The following GSTA2 variants were observed in gnomAD, a reference collection of about 807,000 sequenced individuals.
The protein encoded by GSTA2 is glutathione S-transferase A2.
A neutral mutation model predicts 22.4 loss-of-function variants in GSTA2; 27 were observed. The ratio of observed to expected loss-of-function variants is 1.21; its 90% confidence interval spans 0.89 to 1.67. GSTA2 has a LOEUF of 1.67. GSTA2 is among the 40% of genes most tolerant of loss of function. The pLI is 0.00. For missense variants in GSTA2, 302 were observed against 260.2 expected, an observed-to-expected ratio of 1.16 and a Z score of -1.11; for synonymous variants, 121 against 86.8, an observed-to-expected ratio of 1.39 and a Z score of -2.19.
At position 52,752,870 on chromosome 6, in the gene GSTA2, A is replaced by G; in HGVS notation, c.398T>C (p.Phe133Ser). 1 of 1,613,946 alleles carries G rather than the reference A, an allele frequency of 6.2e-7. No individual in the cohort carries two copies. Among genetic ancestry groups the G allele is most frequent in the Non-Finnish European group, 8.5e-7 (1 of 1,179,896 alleles). The change falls in exon 5 of 7, where the codon TTC (phenylalanine) becomes TCC (serine). Residue 133 changes from phenylalanine to serine, a missense_variant. By Grantham distance (155) the Phe-to-Ser change is radical. Transcript: ENST00000493422. The stretch of plus-strand genomic sequence containing the variant: ...TTCACTTACTTTTTCAAAGGCAGGG[A>G]AGTAGCGATTTTTTGTTTTCTCTTG... ...LIQEKTKNRYFPAFEKVLKSH... is the reference protein window; with the variant it reads ...LIQEKTKNRYSPAFEKVLKSH...
At chr6:52,756,230 A>C in intron 3 of GSTA2, 28 bp downstream of exon 3, 1 of 1,554,070 alleles carries the variant, frequency 6.4e-7, no homozygotes, top group Non-Finnish European at 8.9e-7. Context: ...AGATACCCTC[A>C]TTAGAGAAAC....
intron 1 of GSTA2, among the ~76,000 whole-genome samples, chr6:52,762,718 CTG>C (rs1448768448): frequency 6.6e-6 from 1 of 152,224 alleles, no homozygotes; most frequent in African/African-American, 2.4e-5. Context: ...TACTTTGTCT[CTG>C]TGTCTCTTTC....
chr6:52,762,504 C>G (rs1218655236), intron 1 of GSTA2, among the ~76,000 whole-genome samples: 2 of 152,178 alleles, frequency 1.3e-5, no homozygotes, highest in South Asian at 2.1e-4. Flanking sequence ...ATTTTCTAAC[C>G]TTGTTTATGA....
chr6:52,750,621 C>A lies in GSTA2; in HGVS notation c.625G>T (p.Asp209Tyr). Residue 209 changes from aspartate to tyrosine, a missense_variant, in exon 7 of 7, where the codon GAT (aspartate) becomes TAT (tyrosine). Asp to Tyr is a radical substitution (Grantham distance 160, BLOSUM62 -3). Transcript: ENST00000493422. ...CTTGATTCTTCTAAAGATTTCTCAT[C>A]CATGGGAGGCTTCCTTGGGCTGCCA... ...QPGSPRKPPMDEKSLEESRKI... is the reference protein window; with the variant it reads ...QPGSPRKPPMYEKSLEESRKI... 1 of 1,613,820 alleles carries A rather than the reference C, an allele frequency of 6.2e-7. No individual in the cohort carries two copies.
At chr6:52,756,441 G>C in intron 2 of GSTA2, 132 bp from the exon 3 acceptor site, 2 of 667,836 alleles carry the variant, frequency 3.0e-6, no homozygotes, top group Non-Finnish European at 5.2e-6. Context: ...CACAGAGGGG[G>C]CTAGTCATGG....
intron 6 of GSTA2, among the ~76,000 whole-genome samples, chr6:52,751,184 A>G (rs966627517): frequency 4.6e-5 from 7 of 152,186 alleles, no homozygotes; most frequent in African/African-American, 1.7e-4. Context: ...GTCTGACAGC[A>G]GGAGCCGGAG....
intron 4 of GSTA2, among the ~76,000 whole-genome samples, chr6:52,754,262 T>A (rs1316282237): frequency 6.6e-6 from 1 of 152,216 alleles, no homozygotes; most frequent in African/African-American, 2.4e-5. Context: ...TGCTGGGTCA[T>A]CGGTAATACC....
Position 52,757,863 on chromosome 6 carries a change from C to T in GSTA2, c.85G>A (p.Glu29Lys). 1.2e-6 allele frequency: 2 copies of T among 1,612,686 alleles called. No homozygotes were observed. Among genetic ancestry groups the T allele is most frequent in the Non-Finnish European group, 8.5e-7 (1 of 1,178,752 alleles). Residue 29 changes from glutamate to lysine, a missense_variant and splice_region_variant, in exon 2 of 7, where the codon GAG becomes AAG. Transcript: ENST00000493422. Reference sequence around the variant, plus strand: ...AGATGACCTAACTCAGAACCTACCTCTACTCCAGCTGCAGCCAGGAGCCAC... The same window carrying T: ...AGATGACCTAACTCAGAACCTACCTTTACTCCAGCTGCAGCCAGGAGCCAC... ...IRWLLAAAGV[E>K]FEEKFIKSAE...
intron 1 of GSTA2, among the ~76,000 whole-genome samples, chr6:52,762,369 T>C (rs1287924380): frequency 2.0e-5 from 3 of 152,208 alleles, no homozygotes; most frequent in Non-Finnish European, 4.4e-5. Context: ...TAAAACCCAA[T>C]TGTATGTTCC....
intron 6 of GSTA2, 131 bp from the exon 7 acceptor site, chr6:52,750,830 A>G: frequency 9.7e-7 from 1 of 1,035,056 alleles, no homozygotes; most frequent in Non-Finnish European, 1.4e-6. Flanking sequence ...GTGAAGGCAG[A>G]AACAGACACC....
At chr6:52,756,916 A>G (rs1260424234) in intron 2 of GSTA2, among the ~76,000 whole-genome samples, 1 of 151,800 alleles carries the variant, frequency 6.6e-6, no homozygotes, top group African/African-American at 2.4e-5. Flanking sequence ...CCACACTAGC[A>G]TTATTTTTAA....
chr6:52,761,267 T>C (rs1217257082), intron 1 of GSTA2, among the ~76,000 whole-genome samples: 1 of 152,192 alleles, frequency 6.6e-6, no homozygotes, highest in African/African-American at 2.4e-5. Flanking sequence ...CCCATGGATC[T>C]TCTTTCTTTG....
Position 52,750,500 on chromosome 6 carries a change from A to G in GSTA2, c.*77T>C, listed in dbSNP as rs549874110. The G allele has an allele frequency of 7.1e-7, 1 of 1,405,628 alleles. No homozygotes were observed. Among genetic ancestry groups the G allele is most frequent in the Admixed American group, 1.8e-5 (1 of 55,178 alleles). The allele number at this position is 1,405,628 out of a possible 1,614,324, so 87.1% of individuals were successfully genotyped here. On this transcript the variant is annotated 3_prime_UTR_variant, in exon 7 of 7. Coordinates refer to ENST00000493422, the MANE Select transcript of GSTA2 (RefSeq NM_000846.5). The stretch of plus-strand genomic sequence containing the variant: ...TAGCTTCACAACAGGCACAATCAAC[A>G]CTTAGGTAAAGCACTTAATTGTTGC...
chr6:52,756,054 C>T (rs1283276307), intron 3 of GSTA2, among the ~76,000 whole-genome samples: 3 of 152,144 alleles, frequency 2.0e-5, no homozygotes, highest in Admixed American at 1.3e-4. Context: ...CTAGCAAATA[C>T]TCTGAGAGGT....
chr6:52,758,252 T>C (rs1164915519), intron 1 of GSTA2, among the ~76,000 whole-genome samples: 1 of 152,202 alleles, frequency 6.6e-6, no homozygotes, highest in African/African-American at 2.4e-5. Context: ...ATAATACATG[T>C]ATAGGAGTTA....
Position 52,757,871 on chromosome 6 carries a change from G to A in GSTA2, c.77C>T (p.Ala26Val), listed in dbSNP as rs370331759. The A allele has an allele frequency of 1.9e-6, 3 of 1,613,286 alleles. No homozygotes were observed. The highest frequency in any genetic ancestry group is 1.1e-5 in the South Asian group (1 of 91,068). ...MESIRWLLAAAGVEFEEKFIK... is the reference protein window; with the variant it reads ...MESIRWLLAAVGVEFEEKFIK... Reference sequence around the variant, plus strand: ...TAACTCAGAACCTACCTCTACTCCAGCTGCAGCCAGGAGCCACCGGATGGA... The same window carrying A: ...TAACTCAGAACCTACCTCTACTCCAACTGCAGCCAGGAGCCACCGGATGGA... The change falls in exon 2 of 7, where the codon GCT becomes GTT. Residue 26 changes from alanine (A) to valine (V), a missense_variant. Transcript: ENST00000493422.
At chr6:52,753,257 A>G (rs1429771271) in intron 4 of GSTA2, among the ~76,000 whole-genome samples, 1 of 152,230 alleles carries the variant, frequency 6.6e-6, no homozygotes, top group Non-Finnish European at 1.5e-5. Context: ...CGCATGACCT[A>G]ATACAGGAAG....
rs77007643 is a variant in GSTA2, at chr6:52,755,191, C to G, written c.140-116G>C. On this transcript the variant is annotated intron_variant, in intron 3 of 6. Transcript: ENST00000493422. ...TGTAAAACGAAAAAGAAATTACTGC[C>G]TGGTAAGAGTTCACTTGAAACAACT... 3.7e-3 allele frequency: 4,987 copies of G among 1,361,098 alleles called. 151 individuals are homozygous for G. In the African/African-American group the frequency reaches 0.063, roughly 17 times the overall value. 84.3% of individuals were successfully genotyped at this position (1,361,098 alleles called of 1,614,324 possible).
At chr6:52,754,084 A>T (rs554762217) in intron 4 of GSTA2, among the ~76,000 whole-genome samples, 35 of 152,280 alleles carry the variant, frequency 2.3e-4, no homozygotes, top group African/African-American at 7.9e-4. Context: ...ATATCTTTCC[A>T]TTGCATGGCT....
Sources: gnomAD v4.1 joint callset for allele counts (sites outside exome capture counted in the v4.1 genomes callset) on GRCh38, gnomAD v4.1.1 for gene constraint, MANE v1.5 for transcripts, NCBI Gene and HGNC (gene_info 2026-07-23, HGNC 2026-07-21) for gene names.